The following SCRG1 variants were observed in gnomAD, a reference collection of about 807,000 sequenced individuals.
The protein encoded by SCRG1 is scrapie-responsive protein 1.
Under a neutral mutation model 7.7 loss-of-function variants are expected in SCRG1, and 3 were observed. The observed-to-expected ratio is 0.39, with a 90% CI of 0.18 to 1.01. The LOEUF (loss-of-function observed/expected upper bound fraction) is 1.01, where lower values mean the gene tolerates loss of function less well. Among genes scored for constraint, SCRG1 ranks in the 50% least tolerant of loss-of-function variants. The pLI, the probability that SCRG1 is intolerant of heterozygous loss-of-function variation, is 0.36. For synonymous variants in SCRG1, 46 were observed against 41.2 expected (o/e 1.12, Z -0.44); for missense variants, 110 against 117.2 (o/e 0.94, Z 0.28).
At chr4:173,423,664 T>C in the SCRG1 span, among the ~76,000 whole-genome samples, 3 of 151,840 alleles carry the variant, frequency 2.0e-5, no homozygotes, top group African/African-American at 7.2e-5. Flanking sequence ...ATCTCTTTTT[T>C]TTTAATTTTT....
the SCRG1 span, chr4:173,419,971 A>T: frequency 1.4e-6 from 1 of 710,974 alleles, no homozygotes. Flanking sequence ...CAACCTGACA[A>T]ATGATATCTC....
Position 173,391,331 on chromosome 4 carries a change from G to T in SCRG1, c.84C>A (p.Cys28Ter), listed in dbSNP as rs558745653. The part of the protein sequence containing the change: ...VQAMPANRLS[C>*]YRKILKDHNC... ...TGTGATCTTTTAGTATCTTTCTGTA[G>T]CAAGAGAGGCGATTTGCAGGCATGG... The change falls in exon 2 of 3, where the codon TGC (cysteine) becomes TGA (stop). Residue 28 changes from cysteine to a stop codon, truncating the protein, a stop_gained. Transcript: ENST00000296506. LOFTEE classifies it high-confidence loss of function. 1 of 1,614,198 alleles carries T rather than the reference G, an allele frequency of 6.2e-7. No homozygotes were observed. The highest frequency in any genetic ancestry group is 1.3e-5 in the African/African-American group (1 of 75,052).
the SCRG1 span, among the ~76,000 whole-genome samples, chr4:173,457,301 C>T: frequency 1.3e-5 from 2 of 152,254 alleles, no homozygotes; most frequent in Non-Finnish European, 2.9e-5. Context: ...GAAAGGCACA[C>T]AATAAATGGT....
intron 2 of SCRG1, chr4:173,404,295 T>C (rs1001409411): frequency 6.6e-6 from 1 of 152,216 alleles, no homozygotes; most frequent in African/African-American, 2.4e-5. Context: ...TGAATGTGCA[T>C]GAATCACACC....
At chr4:173,436,052 T>C in the SCRG1 span, among the ~76,000 whole-genome samples, 4 of 151,844 alleles carry the variant, frequency 2.6e-5, no homozygotes, top group African/African-American at 9.7e-5. Context: ...TAAAATTCTT[T>C]TTAACTCAAA....
At chr4:173,478,835 G>A in the SCRG1 span, among the ~76,000 whole-genome samples, 1 of 152,134 alleles carries the variant, frequency 6.6e-6, no homozygotes. Context: ...TAAAGAAAAC[G>A]AACGGACACA....
the SCRG1 span, among the ~76,000 whole-genome samples, chr4:173,453,323 C>A: frequency 6.6e-6 from 1 of 152,192 alleles, no homozygotes; most frequent in East Asian, 1.9e-4. Context: ...GCAAGAGATG[C>A]AGAGACATGG....
the SCRG1 span, among the ~76,000 whole-genome samples, chr4:173,482,737 G>A: frequency 6.6e-6 from 1 of 151,474 alleles, no homozygotes; most frequent in South Asian, 2.1e-4. Context: ...AGGACCACAT[G>A]AGCCCAGGAG....
At position 173,388,350 on chromosome 4, in the gene SCRG1, G is replaced by T; in HGVS notation, c.288C>A (p.Asn96Lys). The part of the protein sequence containing the change: ...GPKISFVIPC[N>K]NQ ...GAATACATGAAGATTCTCATTGATT[G>T]TTGCAAGGAATCACGAAAGAGATCT... is the stretch of plus-strand genomic sequence containing the variant. Residue 96 changes from asparagine to lysine, a missense_variant, in exon 3 of 3, where the codon AAC (asparagine) becomes AAA (lysine). By Grantham distance (94) the Asn-to-Lys change is moderately conservative (BLOSUM62 0). Transcript: ENST00000296506. The T allele has an allele frequency of 6.2e-7, 1 of 1,611,432 alleles. No individual in the cohort carries two copies. Among genetic ancestry groups the T allele is most frequent in the African/African-American group, 1.3e-5 (1 of 74,970 alleles).
the SCRG1 span, among the ~76,000 whole-genome samples, chr4:173,434,331 GTGTTA>G: frequency 3.2e-4 from 49 of 152,234 alleles, no homozygotes; most frequent in African/African-American, 1.1e-3. Flanking sequence ...TTGATTTAAG[GTGTTA>G]TGTTATTGCA....
the SCRG1 span, among the ~76,000 whole-genome samples, chr4:173,494,495 A>C: frequency 6.6e-6 from 1 of 152,174 alleles, no homozygotes; most frequent in East Asian, 1.9e-4. Context: ...TGCGCTCTTC[A>C]CCTTTACGCT....
chr4:173,422,709 A>C, the SCRG1 span, among the ~76,000 whole-genome samples: 1 of 152,212 alleles, frequency 6.6e-6, no homozygotes, highest in Non-Finnish European at 1.5e-5. Flanking sequence ...CCATTTGAAA[A>C]GGGACAGGAG....
chr4:173,388,626 T>C (rs1739320434), intron 2 of SCRG1, among the ~76,000 whole-genome samples: 1 of 152,186 alleles, frequency 6.6e-6, no homozygotes, highest in Non-Finnish European at 1.5e-5. Flanking sequence ...CATGCTGTCA[T>C]TTACGAAGAA....
chr4:173,517,610 G>T, the SCRG1 span, among the ~76,000 whole-genome samples: 7 of 152,174 alleles, frequency 4.6e-5, no homozygotes, highest in Admixed American at 6.5e-5. Flanking sequence ...GAATCCTTGC[G>T]TGACCGGATT....
At chr4:173,496,980 C>A in the SCRG1 span, among the ~76,000 whole-genome samples, 1 of 152,070 alleles carries the variant, frequency 6.6e-6, no homozygotes, top group Non-Finnish European at 1.5e-5. Context: ...GTGGTGGGCG[C>A]CTGTAGTCCC....
At chr4:173,486,182 A>G in the SCRG1 span, among the ~76,000 whole-genome samples, 1 of 152,306 alleles carries the variant, frequency 6.6e-6, no homozygotes, top group African/African-American at 2.4e-5. Flanking sequence ...GGCAGTGTTT[A>G]GGCATCTCTT....
chr4:173,421,566 G>A, the SCRG1 span, among the ~76,000 whole-genome samples: 11 of 152,278 alleles, frequency 7.2e-5, no homozygotes, highest in South Asian at 2.1e-4. Context: ...GAGCTAGGAC[G>A]AGGGGATGTT....
In SCRG1 at chr4:173,385,267, G is replaced by A. The variant is rs1292643633; in HGVS notation, c.*3074C>T. ...GCAGATCATTTGAGGCCAGGAGTTGGAGACCAGCCTGTCCAACATGGCAAA... is the reference window on the plus strand; with the variant it reads ...GCAGATCATTTGAGGCCAGGAGTTGAAGACCAGCCTGTCCAACATGGCAAA... On this transcript the variant is annotated 3_prime_UTR_variant, in exon 3 of 3. Coordinates refer to ENST00000296506, the MANE Select transcript of SCRG1 (RefSeq NM_007281.4). The A allele has an allele frequency of 3.3e-5, 5 of 152,080 alleles. No homozygotes were observed. Among genetic ancestry groups the A allele is most frequent in the Non-Finnish European group, 5.9e-5 (4 of 68,002 alleles). The allele number at this position is 152,080 out of a possible 1,614,324, so 9.4% of individuals were successfully genotyped here. A position where few individuals can be genotyped will look rare whatever the true frequency, so the allele number is the denominator to read the frequency against.
the SCRG1 span, among the ~76,000 whole-genome samples, chr4:173,431,609 A>G: frequency 4.0e-4 from 61 of 152,366 alleles, no homozygotes; most frequent in African/African-American, 1.5e-3. Context: ...ATGCTGGGGC[A>G]TTAATAGCAA....
Sources: allele counts gnomAD v4.1 joint callset (sites outside exome capture counted in the v4.1 genomes callset), GRCh38; gene constraint gnomAD v4.1.1; transcripts MANE v1.5; gene names NCBI Gene and HGNC (gene_info 2026-07-23, HGNC 2026-07-21).